EML4: variants seen among roughly 807,000 people sequenced by gnomAD.
The protein encoded by EML4 is EMAP like 4.
In EML4, 72 loss-of-function variants were observed where a neutral mutation model predicts 129.0. The ratio of observed to expected loss-of-function variants is 0.56; its 90% CI spans 0.46 to 0.68. The LOEUF is 0.68. Among genes scored for constraint, EML4 ranks in the 30% least tolerant of loss-of-function variants. The probability of loss-of-function intolerance (pLI) is 0.00; values close to 1 mark genes in which losing one functional copy is unlikely to be tolerated. For missense variants in EML4, 1,363 were observed against 1,190.6 expected (o/e 1.14, Z -2.13); for synonymous variants, 532 against 405.0 (o/e 1.31, Z -3.77).
rs1342356547 is a variant in EML4 at position 42,169,386 on chromosome 2, C to T, written c.-226C>T. The stretch of plus-strand genomic sequence containing the variant: ...CGCGGCTGCTGCCTGGGAGGGAGGC[C>T]GGGCAGGCGGCTGAGCGGCGCGGCT... On this transcript the variant is annotated 5_prime_UTR_variant, in exon 1 of 23. Transcript: ENST00000318522. 4.7e-5 allele frequency: 15 copies of T among 316,442 alleles called. No individual in the cohort carries two copies. The South Asian group carries it at 1.0e-3, about 21-fold the overall frequency. 19.6% of individuals were successfully genotyped at this position (316,442 alleles called of 1,614,324 possible). A position where few individuals can be genotyped will look rare whatever the true frequency, so the allele number is the denominator to read the frequency against.
intron 8 of EML4, among the ~76,000 whole-genome samples, chr2:42,284,374 C>T (rs755204298): frequency 1.1e-4 from 16 of 152,178 alleles, no homozygotes; most frequent in Non-Finnish European, 2.1e-4. Flanking sequence ...CAAATGAAAA[C>T]AGTTCGTTAG....
At chr2:42,244,081 GTTTTTTGTTTTTGTTTTTTGT>G (rs1675215321) in intron 1 of EML4, among the ~76,000 whole-genome samples, 2 of 139,782 alleles carry the variant, frequency 1.4e-5, no homozygotes, top group Non-Finnish European at 3.1e-5. Context: ...TTTGTTTTTT[GTTTTTTGTTTTTGTTTTTTGT>G]TTTTTTTTTT....
rs1368431136 is a variant in EML4 at position 42,303,125 on chromosome 2, A to G, written c.1663A>G (p.Ile555Val). 1.9e-6 allele frequency: 3 copies of G among 1,614,150 alleles called. No homozygotes were observed. The highest frequency in any genetic ancestry group is 1.3e-5 in the African/African-American group (1 of 75,044). The change falls in exon 15 of 23, where the codon ATC becomes GTC. Residue 555 changes from isoleucine to valine, a missense_variant. Coordinates refer to ENST00000318522, the MANE Select transcript of EML4 (RefSeq NM_019063.5). ...CTAGGTTCCTGATCAGTATGGCACAATCAGAGCTGTAGCAGAAGGAAAGGC... is the reference window on the plus strand; with the variant it reads ...CTAGGTTCCTGATCAGTATGGCACAGTCAGAGCTGTAGCAGAAGGAAAGGC... ...EIEVPDQYGT[I>V]RAVAEGKADQ...
At chr2:42,236,011 C>T (rs551801990) in intron 1 of EML4, among the ~76,000 whole-genome samples, 43 of 152,172 alleles carry the variant, frequency 2.8e-4, no homozygotes, top group Admixed American at 2.2e-3. Flanking sequence ...AGTTACAATA[C>T]ATGTTTTAAT....
intron 1 of EML4, among the ~76,000 whole-genome samples, chr2:42,240,626 T>C (rs555601486): frequency 1.3e-5 from 2 of 152,356 alleles, no homozygotes; most frequent in South Asian, 2.1e-4. Flanking sequence ...TATGGACATA[T>C]TACAGCTTAT....
chr2:42,275,038 T>C (rs890533592), intron 6 of EML4, among the ~76,000 whole-genome samples: 2 of 152,206 alleles, frequency 1.3e-5, no homozygotes, highest in African/African-American at 4.8e-5. Context: ...ACCCGGTAAC[T>C]GGACTAGCCT....
intron 17 of EML4, among the ~76,000 whole-genome samples, chr2:42,306,856 T>C (rs1311945591): frequency 3.9e-5 from 6 of 152,098 alleles, no homozygotes; most frequent in Admixed American, 3.3e-4. Context: ...TTTATTAATA[T>C]CGTGATTGCA....
chr2:42,222,557 A>G (rs977113926), intron 1 of EML4, among the ~76,000 whole-genome samples: 5 of 152,154 alleles, frequency 3.3e-5, no homozygotes, highest in Non-Finnish European at 7.4e-5. Context: ...CTTTTGTCCT[A>G]CAAAGCCTAA....
At chr2:42,293,982 G>T (rs752458838) in intron 11 of EML4, among the ~76,000 whole-genome samples, 16 of 152,224 alleles carry the variant, frequency 1.1e-4, no homozygotes, top group Non-Finnish European at 2.4e-4. Context: ...AGACATTAAT[G>T]ATCACCCTGT....
At chr2:42,294,247 C>T (rs776929101) in intron 11 of EML4, among the ~76,000 whole-genome samples, 26 of 152,166 alleles carry the variant, frequency 1.7e-4, no homozygotes, top group Non-Finnish European at 3.5e-4. Flanking sequence ...AACTTAATGC[C>T]TGTCTTTGCT....
chr2:42,186,502 T>G (rs1409769413), intron 1 of EML4, among the ~76,000 whole-genome samples: 10 of 152,234 alleles, frequency 6.6e-5, no homozygotes. Context: ...AGCAAGCTTT[T>G]GAGAATCATT....
intron 1 of EML4, among the ~76,000 whole-genome samples, chr2:42,211,179 G>T (rs1672865100): frequency 6.6e-6 from 1 of 152,104 alleles, no homozygotes; most frequent in Admixed American, 6.5e-5. Context: ...TATGAAATAT[G>T]GTCTCCCATC....
chr2:42,222,630 G>T (rs1223629178), intron 1 of EML4, among the ~76,000 whole-genome samples: 2 of 152,088 alleles, frequency 1.3e-5, no homozygotes, highest in Non-Finnish European at 2.9e-5. Context: ...ATGTACACCT[G>T]CTTTCTTGTT....
chr2:42,283,015 C>A (rs770921106), intron 8 of EML4, 43 bp downstream of exon 8: 1 of 1,516,794 alleles, frequency 6.6e-7, no homozygotes, highest in Non-Finnish European at 8.8e-7. Context: ...TCTTTCAGGC[C>A]CTCATTTTGT....
At chr2:42,217,912 A>G (rs1011341619) in intron 1 of EML4, among the ~76,000 whole-genome samples, 1 of 152,198 alleles carries the variant, frequency 6.6e-6, no homozygotes, top group Non-Finnish European at 1.5e-5. Flanking sequence ...CACTTTTGGA[A>G]CATCCGTAGG....
intron 6 of EML4, among the ~76,000 whole-genome samples, chr2:42,275,883 C>G (rs987479006): frequency 1.3e-5 from 2 of 152,088 alleles, no homozygotes; most frequent in African/African-American, 2.4e-5. Context: ...TCTGGACCAC[C>G]AGACTTTGTA....
At chr2:42,203,763 T>A (rs930653141) in intron 1 of EML4, among the ~76,000 whole-genome samples, 2 of 151,230 alleles carry the variant, frequency 1.3e-5, no homozygotes, top group Non-Finnish European at 2.9e-5. Flanking sequence ...CTATGCCACA[T>A]GTATAGGCAC....
chr2:42,254,030 T>C (rs1675962059), intron 2 of EML4, among the ~76,000 whole-genome samples: 2 of 152,250 alleles, frequency 1.3e-5, no homozygotes, highest in Non-Finnish European at 2.9e-5. Flanking sequence ...AGAGGACTTT[T>C]ATGTAGAATA....
rs778046038 is a variant in EML4, at chr2:42,256,679, A to C, written c.338+49A>C. 4 of 1,604,700 alleles carry C rather than the reference A, an allele frequency of 2.5e-6. No homozygotes were observed. The South Asian group carries it at 3.3e-5, about 13-fold the overall frequency. On this transcript the variant is annotated intron_variant, in intron 3 of 22. Coordinates refer to ENST00000318522, the MANE Select transcript of EML4 (RefSeq NM_019063.5). ...AAACTAACATTGCAGAATTGTCTGA[A>C]TGTGGTAGAGATCTCCCTTTAGAAA...
Sources: gnomAD v4.1 joint callset for allele counts (sites outside exome capture counted in the v4.1 genomes callset) on GRCh38, gnomAD v4.1.1 for gene constraint, MANE v1.5 for transcripts, NCBI Gene and HGNC (gene_info 2026-07-23, HGNC 2026-07-21) for gene names.